The following GADL1 variants were observed in gnomAD, a reference collection of about 807,000 sequenced individuals.
GADL1 encodes the protein GAD like acidic amino acid decarboxylase 1, also known as acidic amino acid decarboxylase GADL1.
Under a neutral mutation model 69.5 loss-of-function variants are expected in GADL1, and 71 were observed. The ratio of observed to expected loss-of-function variants is 1.02; its 90% CI spans 0.84 to 1.25. GADL1 has a LOEUF of 1.25. Among genes scored for constraint, GADL1 ranks in the 50% most tolerant of loss-of-function variants. GADL1 has a pLI of 0.00. For missense variants in GADL1, 737 were observed against 631.8 expected (o/e 1.17, Z -1.79); for synonymous variants, 254 against 214.4 (o/e 1.18, Z -1.62).
Position 30,728,248 on chromosome 3 carries a change from G to C in GADL1, c.1560C>G (p.Asp520Glu). Residue 520 changes from aspartate (D) to glutamate (E), a missense_variant, in exon 15 of 15, where the codon GAC becomes GAG. Transcript: ENST00000282538. ...LLDEIDLLGKDM is the reference protein window; with the variant it reads ...LLDEIDLLGKEM ...TGGGGGACCAAAGCCACAGCTACAT[G>C]TCTTTACCCAGTAAGTCTATCTCAT... The C allele has an allele frequency of 6.2e-7, 1 of 1,613,568 alleles. No individual in the cohort carries two copies.
At chr3:30,823,708 T>C (rs1319943748) in intron 11 of GADL1, among the ~76,000 whole-genome samples, 4 of 151,896 alleles carry the variant, frequency 2.6e-5, no homozygotes, top group African/African-American at 9.7e-5. Context: ...AACTAGATAT[T>C]GAAGTTAACA....
At chr3:30,884,218 A>G (rs1698676663) in intron 1 of GADL1, among the ~76,000 whole-genome samples, 1 of 152,056 alleles carries the variant, frequency 6.6e-6, no homozygotes, top group African/African-American at 2.4e-5. Context: ...ATTAAGTAGA[A>G]TATTTGAACC....
Position 30,839,025 on chromosome 3 carries a change from T to G in GADL1, c.875A>C (p.Glu292Ala), listed in dbSNP as rs1697919885. 1 of 1,604,224 alleles carries G rather than the reference T, an allele frequency of 6.2e-7. No homozygotes were observed. Among genetic ancestry groups the G allele is most frequent in the South Asian group, 1.1e-5 (1 of 89,072 alleles). Residue 292 changes from glutamate to alanine, a missense_variant, in exon 9 of 15, where the codon GAG becomes GCG. Physicochemically the swap from Glu to Ala is moderately radical, Grantham distance 107. Transcript: ENST00000282538. ...DPLDEIADIC[E>A]RHSLWLHVDA... ...TACATGAAGCCAGAGGCTGTGCCTC[T>G]CGCAGATGTCTGCTATTTCATCCAG...
At chr3:30,860,716 G>A (rs1436439628) in intron 2 of GADL1, among the ~76,000 whole-genome samples, 1 of 151,934 alleles carries the variant, frequency 6.6e-6, no homozygotes. Flanking sequence ...TCCATTTGTT[G>A]ATAATCCACC....
chr3:30,777,067 CTT>C (rs1696556866), intron 14 of GADL1, among the ~76,000 whole-genome samples: 1 of 152,146 alleles, frequency 6.6e-6, no homozygotes, highest in Non-Finnish European at 1.5e-5. Context: ...GTGATTGTCT[CTT>C]TACTCATTGT....
At position 30,756,416 on chromosome 3, in the gene GADL1, T is replaced by G. The variant is rs140079336; in HGVS notation, c.1392+21763A>C. Among the ~76,000 whole-genome samples, 1,303 of 152,260 alleles carry G rather than the reference T, an allele frequency of 8.6e-3. 13 individuals carry two copies. The highest frequency in any genetic ancestry group is 0.024 in the African/African-American group (987 of 41,532). The stretch of plus-strand genomic sequence containing the variant: ...TAATGTATAAAGTTATAAAGGCATC[T>G]TTGTGGTAGAATGACTGCAAATATG... On this transcript the variant is annotated intron_variant, in intron 14 of 14. Transcript: ENST00000282538.
chr3:30,774,762 C>T (rs566561324), intron 14 of GADL1, among the ~76,000 whole-genome samples: 1 of 152,114 alleles, frequency 6.6e-6, no homozygotes, highest in South Asian at 2.1e-4. Flanking sequence ...GTATATTATT[C>T]TCCTAAATAT....
chr3:30,854,322 T>G (rs1368950220), intron 4 of GADL1, among the ~76,000 whole-genome samples: 1 of 152,154 alleles, frequency 6.6e-6, no homozygotes, highest in Non-Finnish European at 1.5e-5. Context: ...TGTGGACCAC[T>G]TCGATTAGCA....
At chr3:30,762,141 C>T (rs551524911) in intron 14 of GADL1, among the ~76,000 whole-genome samples, 13 of 152,214 alleles carry the variant, frequency 8.5e-5, no homozygotes, top group Admixed American at 1.3e-4. Context: ...AAAGTCTTTA[C>T]ATAGTGGAAT....
At chr3:30,811,846 C>A (rs2125512896) in intron 11 of GADL1, among the ~76,000 whole-genome samples, 1 of 152,146 alleles carries the variant, frequency 6.6e-6, no homozygotes. Context: ...TACTCAAGGC[C>A]AAAAAACCAG....
intron 12 of GADL1, among the ~76,000 whole-genome samples, 179 bp from the exon 13 acceptor site, chr3:30,786,585 C>T (rs969782688): frequency 5.3e-5 from 8 of 152,110 alleles, no homozygotes; most frequent in Admixed American, 5.2e-4. Flanking sequence ...ATTTCCTTGG[C>T]CTGAGTAAAA....
chr3:30,808,328 C>T (rs553115755), intron 11 of GADL1, among the ~76,000 whole-genome samples: 1 of 152,140 alleles, frequency 6.6e-6, no homozygotes, highest in East Asian at 1.9e-4. Flanking sequence ...GAAACCCCAT[C>T]TCTACTAAAA....
chr3:30,842,852 C>T (rs1697991482), intron 8 of GADL1, among the ~76,000 whole-genome samples: 1 of 110,522 alleles, frequency 9.0e-6, no homozygotes, highest in Admixed American at 1.0e-4. Context: ...AAGTAGGACA[C>T]ACACCTGAAG....
chr3:30,832,083 G>T (rs940273559), intron 11 of GADL1, among the ~76,000 whole-genome samples: 3 of 151,966 alleles, frequency 2.0e-5, no homozygotes, highest in African/African-American at 7.2e-5. Flanking sequence ...GAGAGTAACA[G>T]AGGCAGAAAC....
At chr3:30,801,846 A>G (rs1179139542) in intron 11 of GADL1, among the ~76,000 whole-genome samples, 1 of 152,212 alleles carries the variant, frequency 6.6e-6, no homozygotes, top group African/African-American at 2.4e-5. Context: ...TTCCTAATCA[A>G]TCATTTACAG....
In GADL1 at chr3:30,863,027, T is replaced by TCACA. The variant is rs397875196; in HGVS notation, c.38-1266_38-1263dup. ...TCGTAAACATAAGCCCATGTCTGTT[T>TCACA]CACACACACACACACACACACACAC... On this transcript the variant is annotated intron_variant, in intron 1 of 14. Coordinates refer to ENST00000282538, the MANE Select transcript of GADL1 (RefSeq NM_207359.3). Among the ~76,000 whole-genome samples, 1,643 of 110,204 alleles carry TCACA rather than the reference T, an allele frequency of 0.015. 48 individuals carry two copies. In the East Asian group the frequency reaches 0.21, roughly 14 times the overall value. The allele number at this position is 110,204 out of a possible 152,430, so 72.3% of individuals were successfully genotyped here.
chr3:30,740,038 T>C (rs1480232459), intron 14 of GADL1, among the ~76,000 whole-genome samples: 1 of 152,170 alleles, frequency 6.6e-6, no homozygotes, highest in Non-Finnish European at 1.5e-5. Flanking sequence ...GAAATTACTC[T>C]TTCCTCTAAA....
intron 1 of GADL1, among the ~76,000 whole-genome samples, chr3:30,893,249 CTTTT>C (rs1559370723): frequency 6.6e-6 from 1 of 152,134 alleles, no homozygotes; most frequent in Non-Finnish European, 1.5e-5. Flanking sequence ...TGTTTTTCTT[CTTTT>C]TAAGTTTTAT....
chr3:30,833,073 T>C (rs944063665), intron 11 of GADL1, among the ~76,000 whole-genome samples: 1 of 152,006 alleles, frequency 6.6e-6, no homozygotes, highest in African/African-American at 2.4e-5. Context: ...GACTTTAACA[T>C]TGGCAAAGGG....
Sources: gnomAD v4.1 joint callset for allele counts (sites outside exome capture counted in the v4.1 genomes callset) on GRCh38, gnomAD v4.1.1 for gene constraint, MANE v1.5 for transcripts, NCBI Gene and HGNC (gene_info 2026-07-23, HGNC 2026-07-21) for gene names.